Variants in KIAA0319L observed in about 807,000 individuals in gnomAD.
KIAA0319L encodes the protein KIAA0319 like.
KIAA0319L carries 55 observed loss-of-function variants against 120.1 expected under a neutral mutation model. The ratio of observed to expected loss-of-function variants is 0.46; its 90% CI spans 0.37 to 0.57. The LOEUF is 0.57. Among genes scored for constraint, KIAA0319L ranks in the 20% least tolerant of loss-of-function variants. KIAA0319L has a pLI of 0.00. For missense variants in KIAA0319L, 1,049 were observed against 1,255.3 expected, an observed-to-expected ratio of 0.84 and a Z score of 2.48; for synonymous variants, 398 against 471.9, an observed-to-expected ratio of 0.84 and a Z score of 2.03.
intron 3 of KIAA0319L, among the ~76,000 whole-genome samples, chr1:35,492,718 C>A (rs79215977): frequency 6.6e-6 from 1 of 152,016 alleles, no homozygotes; most frequent in African/African-American, 2.4e-5. Flanking sequence ...AAACTCACAT[C>A]AAACTAGGAA....
chr1:35,453,786 C>A lies in KIAA0319L; in HGVS notation c.1781-97G>T, dbSNP rs1267181670. 1 of 1,237,860 alleles carries A rather than the reference C, an allele frequency of 8.1e-7. No individual in the cohort carries two copies. The highest frequency in any genetic ancestry group is 1.1e-6 in the Non-Finnish European group (1 of 896,154). 76.7% of individuals were successfully genotyped at this position (1,237,860 alleles called of 1,614,324 possible). A position where few individuals can be genotyped will look rare whatever the true frequency, so the allele number is the denominator to read the frequency against. ...ATGTTCTGGAAGCCATGGACTCTGC[C>A]TCTCAGGCCACAGAACTGTCAGATA... On this transcript the variant is annotated intron_variant, in intron 11 of 20. Transcript: ENST00000325722. The surrounding 1 kb of genome is among the most constrained non-coding windows in gnomAD (Gnocchi z 4.1).
intron 20 of KIAA0319L, chr1:35,435,369 C>T (rs1640701379): frequency 6.2e-6 from 2 of 320,256 alleles, no homozygotes; most frequent in Non-Finnish European, 1.1e-5. Context: ...CACTCAGTGA[C>T]ATTCTCTTTT....
chr1:35,478,305 AC>A (rs1441369402), intron 4 of KIAA0319L, among the ~76,000 whole-genome samples: 1 of 151,904 alleles, frequency 6.6e-6, no homozygotes, highest in Non-Finnish European at 1.5e-5. Flanking sequence ...GTTAATGAGT[AC>A]AAAAAAAAAA....
At chr1:35,500,782 C>A (rs1644976418) in intron 3 of KIAA0319L, among the ~76,000 whole-genome samples, 1 of 152,172 alleles carries the variant, frequency 6.6e-6, no homozygotes, top group South Asian at 2.1e-4. Context: ...CTCCCAAGTT[C>A]TCTCCCAAAA....
In KIAA0319L at chr1:35,557,355, C is replaced by T. The variant is rs1418481350; in HGVS notation, c.-177G>A. ...AGGTAGTGCGGGCTCCCCACCCGGA[C>T]AGCTACCTCTCGCCTCAGCCTCCCT... On this transcript the variant is annotated 5_prime_UTR_variant, in exon 1 of 21. Coordinates refer to ENST00000325722, the MANE Select transcript of KIAA0319L (RefSeq NM_024874.5). 5 of 288,518 alleles carry T rather than the reference C, an allele frequency of 1.7e-5. No homozygotes were observed. The highest frequency in any genetic ancestry group is 3.4e-5 in the Non-Finnish European group (5 of 146,464). 17.9% of individuals were successfully genotyped at this position (288,518 alleles called of 1,614,324 possible).
chr1:35,450,473 T>C lies in KIAA0319L; in HGVS notation c.2099A>G (p.Asn700Ser). Residue 700 changes from asparagine (N) to serine (S), a missense_variant, in exon 14 of 21, where the codon AAT becomes AGT. Coordinates refer to ENST00000325722, the MANE Select transcript of KIAA0319L (RefSeq NM_024874.5). Reference protein sequence around the residue: ...NKPPIAKITGNVVITLPTSTA... With the variant: ...NKPPIAKITGSVVITLPTSTA... ...GCTCGTGGGTAGGGTAATCACCACATTCCCAGTTATCTTGGCTATAGGTGG... is the reference window on the plus strand; with the variant it reads ...GCTCGTGGGTAGGGTAATCACCACACTCCCAGTTATCTTGGCTATAGGTGG... 6.2e-7 allele frequency: 1 copy of C among 1,613,978 alleles called. No individual in the cohort carries two copies. Among genetic ancestry groups the C allele is most frequent in the Non-Finnish European group, 8.5e-7 (1 of 1,179,822 alleles).
chr1:35,545,772 G>A (rs973241889), intron 2 of KIAA0319L, among the ~76,000 whole-genome samples: 1 of 152,102 alleles, frequency 6.6e-6, no homozygotes, highest in Non-Finnish European at 1.5e-5. Context: ...GCAGGTGCCT[G>A]TAATCCCAGC....
At chr1:35,463,176 A>G (rs1233455427) in intron 7 of KIAA0319L, among the ~76,000 whole-genome samples, 1 of 152,198 alleles carries the variant, frequency 6.6e-6, no homozygotes, top group Non-Finnish European at 1.5e-5. Flanking sequence ...GCATTACATA[A>G]TTAATGATTG....
chr1:35,456,307 G>T, intron 9 of KIAA0319L, 66 bp from the exon 10 acceptor site: 3 of 1,072,186 alleles, frequency 2.8e-6, no homozygotes, highest in Non-Finnish European at 4.0e-6. Flanking sequence ...AACACTAGAA[G>T]ACTGAAAATT....
chr1:35,520,858 G>A (rs1157418043), intron 2 of KIAA0319L, among the ~76,000 whole-genome samples: 9 of 152,164 alleles, frequency 5.9e-5, no homozygotes, highest in Non-Finnish European at 4.4e-5. Flanking sequence ...TGTAGGATTG[G>A]AGACTAATAT....
chr1:35,497,506 T>C (rs1644854690), intron 3 of KIAA0319L, among the ~76,000 whole-genome samples: 1 of 152,068 alleles, frequency 6.6e-6, no homozygotes, highest in East Asian at 1.9e-4. Flanking sequence ...AATTTTAGAG[T>C]TGATACATAT....
At chr1:35,461,288 C>G (rs564495187) in intron 8 of KIAA0319L, among the ~76,000 whole-genome samples, 2 of 152,094 alleles carry the variant, frequency 1.3e-5, no homozygotes, top group East Asian at 3.9e-4. Context: ...CCAACATGGA[C>G]AAACCCCGTC....
intron 6 of KIAA0319L, among the ~76,000 whole-genome samples, chr1:35,467,443 C>A (rs1246078256): frequency 6.6e-6 from 1 of 152,034 alleles, no homozygotes; most frequent in Non-Finnish European, 1.5e-5. Flanking sequence ...AACTCTTGAC[C>A]ACATATTAAA....
intron 2 of KIAA0319L, among the ~76,000 whole-genome samples, chr1:35,535,726 G>A (rs1348061383): frequency 6.6e-6 from 1 of 151,980 alleles, no homozygotes; most frequent in Non-Finnish European, 1.5e-5. Context: ...ACTTTTTCCA[G>A]GAAGGCTTCT....
intron 2 of KIAA0319L, among the ~76,000 whole-genome samples, chr1:35,519,932 C>A (rs771836623): frequency 2.8e-4 from 43 of 152,150 alleles, no homozygotes; most frequent in Non-Finnish European, 2.9e-4. Flanking sequence ...ATGGATGAAT[C>A]TGTTCTGAGA....
At chr1:35,440,846 G>C in intron 20 of KIAA0319L, 1 of 580,948 alleles carries the variant, frequency 1.7e-6, no homozygotes, top group South Asian at 2.3e-5. Context: ...AGCGGAAGTA[G>C]CACGCGAAGT....
intron 2 of KIAA0319L, among the ~76,000 whole-genome samples, chr1:35,522,572 C>G (rs1190336221): frequency 1.3e-5 from 2 of 152,048 alleles, no homozygotes; most frequent in Non-Finnish European, 2.9e-5. Context: ...GCCACTGTGC[C>G]CAGCCTATCC....
At chr1:35,522,892 G>A (rs1327290786) in intron 2 of KIAA0319L, among the ~76,000 whole-genome samples, 3 of 151,320 alleles carry the variant, frequency 2.0e-5, no homozygotes, top group African/African-American at 2.4e-5. Context: ...GGTGGCAGGC[G>A]CCTGTAGTCC....
intron 2 of KIAA0319L, among the ~76,000 whole-genome samples, chr1:35,532,085 A>AC (rs1249859403): frequency 1.3e-5 from 2 of 152,026 alleles, no homozygotes; most frequent in Non-Finnish European, 2.9e-5. Context: ...ACATGGTGAA[A>AC]CCCCAACTCT....
Sources: gnomAD v4.1 joint callset for allele counts (sites outside exome capture counted in the v4.1 genomes callset) on GRCh38, gnomAD v4.1.1 for gene constraint, Gnocchi (gnomAD v3.1) non-coding constraint, MANE v1.5 for transcripts, NCBI Gene and HGNC (gene_info 2026-07-23, HGNC 2026-07-21) for gene names.